The following KIF21A variants were observed in gnomAD, a reference collection of about 807,000 sequenced individuals.
KIF21A encodes kinesin-like protein KIF21A.
In KIF21A, 114 loss-of-function variants were observed where a neutral mutation model predicts 202.9. That is an observed-to-expected ratio of 0.56 (90% CI 0.48 to 0.66). The LOEUF (loss-of-function observed/expected upper bound fraction) is 0.66, where lower values mean the gene tolerates loss of function less well. Among genes scored for constraint, KIF21A ranks in the 30% least tolerant of loss-of-function variants. KIF21A has a pLI of 0.00. For synonymous variants in KIF21A, 667 were observed against 670.8 expected, an observed-to-expected ratio of 0.99 and a Z score of 0.09; for missense variants, 1,677 against 1,994.9, an observed-to-expected ratio of 0.84 and a Z score of 3.04.
intron 10 of KIF21A, among the ~76,000 whole-genome samples, chr12:39,353,858 A>G (rs1016936491): frequency 3.9e-5 from 6 of 151,970 alleles, no homozygotes; most frequent in African/African-American, 1.4e-4. Flanking sequence ...CTCTTTCCCC[A>G]TCTCTTTCTC....
In KIF21A at chr12:39,294,454, T is replaced by A; in HGVS notation, c.4995A>T (p.Gly1665=). The change falls in exon 38 of 38, where the codon GGA becomes GGT. Residue 1665 remains glycine, a synonymous_variant. Transcript: ENST00000361418. ...TACTGGCAATATCTTCCCCCAGATC[T>A]CCTGTGTCAGAGATCTGACCATCTT... ...NLQDGQISDT[G]DLGEDIASN 1 of 1,613,732 alleles carries A rather than the reference T, an allele frequency of 6.2e-7. No homozygotes were observed. Among genetic ancestry groups the A allele is most frequent in the Non-Finnish European group, 8.5e-7 (1 of 1,179,668 alleles).
intron 1 of KIF21A, among the ~76,000 whole-genome samples, chr12:39,380,532 G>A (rs1417911129): frequency 6.6e-6 from 1 of 152,038 alleles, no homozygotes; most frequent in Non-Finnish European, 1.5e-5. Context: ...TAATAAAAAA[G>A]GTTTAATTAA....
intron 1 of KIF21A, among the ~76,000 whole-genome samples, chr12:39,413,508 C>G (rs1276208320): frequency 6.6e-6 from 1 of 152,226 alleles, no homozygotes; most frequent in East Asian, 1.9e-4. Context: ...CTTCTTTATT[C>G]TAAAAGAACA....
At position 39,346,465 on chromosome 12, in the gene KIF21A, C is replaced by G; in HGVS notation, c.1712+1G>C. On this transcript the variant is annotated splice_donor_variant, in intron 12 of 37. Coordinates refer to ENST00000361418, the MANE Select transcript of KIF21A (RefSeq NM_001173464.2). LOFTEE classifies it high-confidence loss of function. ...ATAAAAAACCTGGGAAATATTCCAA[C>G]CTTCTTTCTTCTCGATTGCTTTCCT... 6.8e-7 allele frequency: 1 copy of G among 1,472,492 alleles called. No homozygotes were observed. 91.2% of individuals were successfully genotyped at this position (1,472,492 alleles called of 1,614,324 possible).
chr12:39,324,395 T>C (rs1394612250), intron 26 of KIF21A, among the ~76,000 whole-genome samples: 2 of 152,188 alleles, frequency 1.3e-5, no homozygotes, highest in African/African-American at 2.4e-5. Context: ...GCCTGAAAGA[T>C]CAAATTTATC....
chr12:39,342,468 C>G (rs1947523572), intron 12 of KIF21A, among the ~76,000 whole-genome samples: 1 of 152,140 alleles, frequency 6.6e-6, no homozygotes, highest in Non-Finnish European at 1.5e-5. Context: ...AGAAATCAAA[C>G]ATTTTTGTTT....
chr12:39,331,596 ATTACAAAGCAAAGGGTTAC>A, intron 22 of KIF21A, 75 bp downstream of exon 22: 2 of 842,352 alleles, frequency 2.4e-6, no homozygotes, highest in Non-Finnish European at 4.1e-6. Flanking sequence ...CTTCTTCCTT[ATTACAAAGCAAAGGGTTAC>A]TACAGAAAGA....
rs1490945887 is a variant in KIF21A at position 39,331,784 on chromosome 12, C to T, written c.3059G>A (p.Gly1020Asp). The change falls in exon 22 of 38, where the codon GGT becomes GAT. Residue 1020 changes from glycine (G) to aspartate (D), a missense_variant. By Grantham distance (94) the Gly-to-Asp change is moderately conservative. Coordinates refer to ENST00000361418, the MANE Select transcript of KIF21A (RefSeq NM_001173464.2). ...IMQMEEAKEE[G>D]ETLDVTAVIN... is the part of the protein sequence containing the mutation. Reference sequence around the variant, plus strand: ...GACTGCAGTAACATCCAATGTCTCACCTTCTTCCTGTATAAAATCAGCATA... The same window carrying T: ...GACTGCAGTAACATCCAATGTCTCATCTTCTTCCTGTATAAAATCAGCATA... 17 of 1,609,830 alleles carry T rather than the reference C, an allele frequency of 1.1e-5. No individual in the cohort carries two copies. The East Asian group carries it at 3.1e-4, about 30-fold the overall frequency.
intron 7 of KIF21A, among the ~76,000 whole-genome samples, chr12:39,360,798 C>A (rs1949149153): frequency 6.6e-6 from 1 of 152,036 alleles, no homozygotes; most frequent in African/African-American, 2.4e-5. Flanking sequence ...GTAAAAAAAC[C>A]AGCTCGAATT....
At chr12:39,406,218 C>A (rs1220699961) in intron 1 of KIF21A, among the ~76,000 whole-genome samples, 1 of 151,760 alleles carries the variant, frequency 6.6e-6, no homozygotes, top group East Asian at 1.9e-4. Context: ...AATTTTCAAG[C>A]AACATATTTG....
intron 1 of KIF21A, among the ~76,000 whole-genome samples, chr12:39,398,159 GTGTTCTAGGAAATTTACACTC>G (rs1188455902): frequency 2.0e-5 from 3 of 152,218 alleles, no homozygotes; most frequent in Non-Finnish European, 2.9e-5. Flanking sequence ...ATGTACTTGA[GTGTTCTAGGAAATTTACACTC>G]TACATTTTAA....
intron 1 of KIF21A, among the ~76,000 whole-genome samples, chr12:39,416,499 G>A (rs1383357040): frequency 6.6e-6 from 1 of 151,530 alleles, no homozygotes; most frequent in Non-Finnish European, 1.5e-5. Flanking sequence ...AGGAGGCCGA[G>A]GCAGGAGAAT....
chr12:39,421,965 T>C (rs892788088), intron 1 of KIF21A, among the ~76,000 whole-genome samples: 25 of 151,498 alleles, frequency 1.7e-4, no homozygotes, highest in African/African-American at 6.1e-4. Context: ...TAGTACCTTT[T>C]TGTGGGATGG....
In KIF21A at chr12:39,392,939, TAA is replaced by T. The variant is rs1396851453; in HGVS notation, c.45-22680_45-22679del. Among the ~76,000 whole-genome samples, 13 of 147,068 alleles carry T rather than the reference TAA, an allele frequency of 8.8e-5. No individual in the cohort carries two copies. The South Asian group carries it at 2.4e-3, about 28-fold the overall frequency. ...AAAATAAAAAGGTAATAAAATAAAA[TAA>T]AGACAATAAAATAAAATTCAGATTG... On this transcript the variant is annotated intron_variant, in intron 1 of 37. Coordinates refer to ENST00000361418, the MANE Select transcript of KIF21A (RefSeq NM_001173464.2).
At chr12:39,332,003 A>G (rs554338277) in intron 21 of KIF21A, 1 of 657,158 alleles carries the variant, frequency 1.5e-6, no homozygotes, top group South Asian at 1.9e-5. Context: ...TGTAAAGATG[A>G]CCCATGTGTT....
intron 1 of KIF21A, among the ~76,000 whole-genome samples, chr12:39,379,838 G>C (rs938062377): frequency 2.0e-5 from 3 of 152,162 alleles, no homozygotes; most frequent in Admixed American, 6.5e-5. Flanking sequence ...CTCATCTCTT[G>C]TCGCCTCCCT....
At chr12:39,333,391 A>G (rs879260189) in intron 17 of KIF21A, 111 bp from the exon 18 acceptor site, 40 of 793,302 alleles carry the variant, frequency 5.0e-5, no homozygotes, top group Non-Finnish European at 1.1e-5. Context: ...TTCTTAGCAG[A>G]ATCTTTGAGT....
At chr12:39,382,526 A>G (rs1013432668) in intron 1 of KIF21A, among the ~76,000 whole-genome samples, 3 of 152,178 alleles carry the variant, frequency 2.0e-5, no homozygotes, top group African/African-American at 7.2e-5. Context: ...TCCGGTCAAC[A>G]TGAATTTAAT....
intron 1 of KIF21A, among the ~76,000 whole-genome samples, chr12:39,371,106 A>G (rs1430774282): frequency 2.6e-5 from 4 of 152,230 alleles, no homozygotes; most frequent in Admixed American, 1.3e-4. Context: ...TTAGAGAATA[A>G]TAAGAAAAGG....
Sources: gnomAD v4.1 joint callset for allele counts (sites outside exome capture counted in the v4.1 genomes callset) on GRCh38, gnomAD v4.1.1 for gene constraint, MANE v1.5 for transcripts, NCBI Gene and HGNC (gene_info 2026-07-23, HGNC 2026-07-21) for gene names.